The following NSD2 variants were observed in gnomAD, a reference collection of about 807,000 sequenced individuals.
NSD2 encodes the protein nuclear receptor binding SET domain protein 2.
Under a neutral mutation model 139.0 loss-of-function variants are expected in NSD2, and 12 were observed. That is an observed-to-expected ratio of 0.09 (90% CI 0.06 to 0.14). The LOEUF (loss-of-function observed/expected upper bound fraction) is 0.14, where lower values mean the gene tolerates loss of function less well. NSD2 is among the 10% of genes least tolerant of loss of function. The pLI, the probability that NSD2 is intolerant of heterozygous loss-of-function variation, is 1.00. For synonymous variants in NSD2, 669 were observed against 648.7 expected, an observed-to-expected ratio of 1.03 and a Z score of -0.48; for missense variants, 1,155 against 1,745.0, an observed-to-expected ratio of 0.66 and a Z score of 6.02.
chr4:1,872,121 C>T (rs1178795712), intron 1 of NSD2, among the ~76,000 whole-genome samples: 1 of 151,930 alleles, frequency 6.6e-6, no homozygotes, highest in Admixed American at 6.5e-5. Flanking sequence ...TTGACACTCG[C>T]GGCGCCCGGG....
intron 2 of NSD2, among the ~76,000 whole-genome samples, chr4:1,902,019 G>A (rs1054559776): frequency 5.9e-5 from 9 of 152,168 alleles, no homozygotes; most frequent in Non-Finnish European, 1.3e-4. Flanking sequence ...AACAACCAAG[G>A]GGCCATGGCT....
At chr4:1,938,666 G>C (rs1045540735) in intron 8 of NSD2, 134 bp downstream of exon 8, 9 of 597,368 alleles carry the variant, frequency 1.5e-5, no homozygotes, top group Non-Finnish European at 1.9e-5. Context: ...CCACAATTAA[G>C]CTAGGAGTGA....
chr4:1,969,283 AGAGACTTGG>A (rs1392639121), intron 18 of NSD2, among the ~76,000 whole-genome samples: 3 of 152,238 alleles, frequency 2.0e-5, no homozygotes, highest in Non-Finnish European at 4.4e-5. Flanking sequence ...GAGGGCCCAC[AGAGACTTGG>A]GTTCTGTGGT....
At chr4:1,880,860 T>A (rs1298323209) in intron 1 of NSD2, among the ~76,000 whole-genome samples, 1 of 152,260 alleles carries the variant, frequency 6.6e-6, no homozygotes, top group Non-Finnish European at 1.5e-5. Context: ...CAGATCAGTT[T>A]GTTAGAGAAA....
At chr4:1,934,567 A>G (rs147351783) in intron 6 of NSD2, among the ~76,000 whole-genome samples, 2,009 of 151,144 alleles carry the variant, frequency 0.013, 41 homozygotes, top group African/African-American at 0.047. Context: ...TATAATTATA[A>G]GGCCAGGCGC....
intron 21 of NSD2, among the ~76,000 whole-genome samples, chr4:1,977,219 G>C (rs1240987058): frequency 6.6e-6 from 1 of 152,260 alleles, no homozygotes; most frequent in Non-Finnish European, 1.5e-5. Context: ...CTCTGTTTGA[G>C]GGAAAGTAGA....
At chr4:1,951,243 C>CT (rs1283303300) in intron 10 of NSD2, 40 bp downstream of exon 10, 1 of 1,612,242 alleles carries the variant, frequency 6.2e-7, no homozygotes, top group African/African-American at 1.3e-5. Flanking sequence ...GTGCTGGTGT[C>CT]TGACTGGGGC....
chr4:1,971,570 G>A (rs73796672), intron 18 of NSD2, among the ~76,000 whole-genome samples: 9,508 of 152,116 alleles, frequency 0.063, 1,029 homozygotes, highest in African/African-American at 0.22. Flanking sequence ...CTCTTCTTAC[G>A]AGCCCACAAT....
chr4:1,975,423 C>G, intron 20 of NSD2, 23 bp downstream of exon 20: 7 of 1,602,598 alleles, frequency 4.4e-6, no homozygotes, highest in Non-Finnish European at 6.0e-6. Flanking sequence ...CGCCCTCCTT[C>G]CCCCCAGGCT....
rs542322666 is a variant in NSD2 at position 1,979,833 on chromosome 4, G to C, written c.*924G>C. 3.8e-4 allele frequency: 89 copies of C among 232,692 alleles called. No homozygotes were observed. Among genetic ancestry groups the C allele is most frequent in the African/African-American group, 1.6e-3 (74 of 45,422 alleles). 14.4% of individuals were successfully genotyped at this position (232,692 alleles called of 1,614,324 possible). On this transcript the variant is annotated 3_prime_UTR_variant, in exon 22 of 22. Transcript: ENST00000508803. ...AGTGTGTGTTTACTGATGCGGCCCT[G>C]AGCTCCATGGCGAAAGGAGTGACTT...
At chr4:1,940,375 A>G (rs1227310536) in intron 9 of NSD2, 4 of 1,064,432 alleles carry the variant, frequency 3.8e-6, no homozygotes, top group African/African-American at 1.6e-5. Context: ...TGCAGAGTAC[A>G]TGATAGCAAA....
chr4:1,882,946 T>C (rs1714812643), intron 1 of NSD2, among the ~76,000 whole-genome samples: 1 of 152,214 alleles, frequency 6.6e-6, no homozygotes, highest in Non-Finnish European at 1.5e-5. Flanking sequence ...TCCTGACTGA[T>C]AAGTCAGGAG....
intron 1 of NSD2, among the ~76,000 whole-genome samples, chr4:1,878,845 G>C (rs1438375919): frequency 1.3e-5 from 2 of 152,170 alleles, no homozygotes; most frequent in African/African-American, 4.8e-5. Context: ...AGGCTGGGAA[G>C]GTGTGGACAG....
rs1724824125 is a variant in NSD2 at position 1,956,566 on chromosome 4, TGAG to T, written c.2881+381_2881+383del. 6.6e-6 allele frequency among the ~76,000 whole-genome samples: 1 copy of T among 152,220 alleles called. No homozygotes were observed. Among genetic ancestry groups the T allele is most frequent in the Non-Finnish European group, 1.5e-5 (1 of 68,040 alleles). On this transcript the variant is annotated intron_variant, in intron 15 of 21. Transcript: ENST00000508803. This position sits in a 1 kb window ranked among gnomAD's most constrained non-coding sequence, Gnocchi z 5.3. ...GGGGCTCGCTTTACCTTTCAGTGCA[TGAG>T]GAATCAGGGGTGGTCAAGCAGACAA...
intron 9 of NSD2, chr4:1,943,055 A>G: frequency 9.5e-7 from 1 of 1,050,776 alleles, no homozygotes; most frequent in Non-Finnish European, 1.1e-6. Flanking sequence ...GGATACTGTA[A>G]TCAGGTTATG....
intron 1 of NSD2, among the ~76,000 whole-genome samples, chr4:1,891,465 T>C (rs937700769): frequency 1.3e-5 from 2 of 152,108 alleles, no homozygotes; most frequent in African/African-American, 2.4e-5. Flanking sequence ...TTCTGCTCAG[T>C]TGGATTCACG....
At chr4:1,885,114 A>G (rs1560555038) in intron 1 of NSD2, among the ~76,000 whole-genome samples, 1 of 148,810 alleles carries the variant, frequency 6.7e-6, no homozygotes, top group Non-Finnish European at 1.5e-5. Flanking sequence ...CTGTTTCAAA[A>G]AAAAAAAATA....
At chr4:1,965,708 CA>C (rs948281338) in intron 18 of NSD2, among the ~76,000 whole-genome samples, 4 of 152,144 alleles carry the variant, frequency 2.6e-5, no homozygotes, top group African/African-American at 9.7e-5. Flanking sequence ...TTCCACATAA[CA>C]GGGGAGGCCT....
In NSD2 at chr4:1,925,050, T is replaced by C. The variant is rs544741098; in HGVS notation, c.1411-5576T>C. On this transcript the variant is annotated intron_variant, in intron 5 of 21. Transcript: ENST00000508803. ...TCCCCTGGACTCTGGCTGGGTGGTT[T>C]TGAAGAATTTTCTGTTATCGGAAAA... 9.0e-4 allele frequency among the ~76,000 whole-genome samples: 137 copies of C among 152,354 alleles called. 2 individuals are homozygous for C. Among genetic ancestry groups the C allele is most frequent in the Middle Eastern group, 3.4e-3 (1 of 294 alleles).
Sources: allele counts gnomAD v4.1 joint callset (sites outside exome capture counted in the v4.1 genomes callset), GRCh38; gene constraint gnomAD v4.1.1; non-coding constraint Gnocchi (gnomAD v3.1); transcripts MANE v1.5; gene names NCBI Gene and HGNC (gene_info 2026-07-23, HGNC 2026-07-21).